Variants in KDM4C observed in about 807,000 individuals in gnomAD.
The protein encoded by KDM4C is lysine demethylase 4C, also known as lysine-specific demethylase 4C.
A neutral mutation model predicts 129.3 loss-of-function variants in KDM4C; 81 were observed. That is an observed-to-expected ratio of 0.63 (90% CI 0.52 to 0.75). The LOEUF is 0.75. KDM4C is among the 30% of genes least tolerant of loss of function. The pLI is 0.00. For synonymous variants in KDM4C, 573 were observed against 456.1 expected (o/e 1.26, Z -3.26); for missense variants, 1,457 against 1,304.0 (o/e 1.12, Z -1.81).
intron 1 of KDM4C, among the ~76,000 whole-genome samples, chr9:6,751,263 T>C (rs1411564242): frequency 1.3e-5 from 2 of 151,994 alleles, no homozygotes; most frequent in African/African-American, 2.4e-5. Flanking sequence ...TTGTGCAACA[T>C]GGCAAAACCC....
At chr9:6,843,791 CAA>C (rs1837390175) in intron 4 of KDM4C, among the ~76,000 whole-genome samples, 1 of 152,158 alleles carries the variant, frequency 6.6e-6, no homozygotes, top group Non-Finnish European at 1.5e-5. Context: ...ACACAGTTTT[CAA>C]AAGTTTACTA....
chr9:7,049,978 A>G (rs1395804156), intron 17 of KDM4C, among the ~76,000 whole-genome samples: 1 of 152,018 alleles, frequency 6.6e-6, no homozygotes, highest in African/African-American at 2.4e-5. Context: ...GTTATTTTCC[A>G]CTGAAGGTCT....
rs1197834778 is a variant in KDM4C, at chr9:6,793,027, C to A, written c.39C>A (p.Ser13Arg). 2.5e-6 allele frequency: 4 copies of A among 1,614,048 alleles called. No individual in the cohort carries two copies. The highest frequency in any genetic ancestry group is 1.3e-5 in the African/African-American group (1 of 74,924). The change falls in exon 2 of 22, where the codon AGC becomes AGA. Residue 13 changes from serine (S) to arginine (R), a missense_variant. Coordinates refer to ENST00000381309, the MANE Select transcript of KDM4C (RefSeq NM_015061.6). ...AGGTGGAAAGTCCTCTGAACCCCAG[C>A]TGTAAGATAATGACCTTCAGACCCT... ...VAEVESPLNP[S>R]CKIMTFRPSM...
At chr9:6,740,393 T>C (rs372409457) in intron 1 of KDM4C, among the ~76,000 whole-genome samples, 84 of 151,906 alleles carry the variant, frequency 5.5e-4, no homozygotes, top group South Asian at 2.3e-3. Context: ...TTAGTAGAGA[T>C]GGGGTTTCAC....
intron 8 of KDM4C, among the ~76,000 whole-genome samples, chr9:6,895,405 A>G (rs1322489772): frequency 6.6e-6 from 1 of 152,206 alleles, no homozygotes; most frequent in Non-Finnish European, 1.5e-5. Context: ...CAGAGGCTGG[A>G]CTTTTCTCCT....
chr9:7,079,561 A>T (rs577719281), intron 17 of KDM4C, among the ~76,000 whole-genome samples: 1 of 152,286 alleles, frequency 6.6e-6, no homozygotes, highest in East Asian at 1.9e-4. Context: ...ACCTCAAGTG[A>T]TCTGCCCATC....
At chr9:7,019,448 A>T (rs909105951) in intron 15 of KDM4C, among the ~76,000 whole-genome samples, 1 of 150,510 alleles carries the variant, frequency 6.6e-6, no homozygotes, top group Non-Finnish European at 1.5e-5. Flanking sequence ...ATTCCCTGGA[A>T]TTTTTTTTTT....
At chr9:7,036,483 G>C (rs1307486974) in intron 15 of KDM4C, among the ~76,000 whole-genome samples, 2 of 152,090 alleles carry the variant, frequency 1.3e-5, no homozygotes, top group Admixed American at 1.3e-4. Context: ...ATAGCTACCA[G>C]AGCGGTGCTC....
At chr9:7,113,279 A>T (rs1015989518) in intron 18 of KDM4C, among the ~76,000 whole-genome samples, 1 of 152,220 alleles carries the variant, frequency 6.6e-6, no homozygotes, top group African/African-American at 2.4e-5. Context: ...CTTATCCCAG[A>T]TGATAGAAAG....
At chr9:7,152,108 G>A (rs1020796518) in intron 19 of KDM4C, among the ~76,000 whole-genome samples, 6 of 152,218 alleles carry the variant, frequency 3.9e-5, no homozygotes, top group African/African-American at 1.4e-4. Flanking sequence ...AGAGAAATGA[G>A]TCTGATGTTG....
At chr9:7,169,157 G>A (rs1420828467) in intron 20 of KDM4C, among the ~76,000 whole-genome samples, 2 of 151,702 alleles carry the variant, frequency 1.3e-5, no homozygotes, top group Non-Finnish European at 2.9e-5. Flanking sequence ...CGTGCTGACA[G>A]ACCCAACCCA....
intron 13 of KDM4C, 26 bp downstream of exon 13, chr9:7,011,905 C>G (rs763651409): frequency 6.3e-7 from 1 of 1,586,804 alleles, no homozygotes; most frequent in South Asian, 1.1e-5. Context: ...ATCATAGTTC[C>G]CTTCACTGCT....
Position 6,781,006 on chromosome 9 carries a change from A to G in KDM4C, c.-17-11966A>G, listed in dbSNP as rs186294053. On this transcript the variant is annotated intron_variant, in intron 1 of 21. Transcript: ENST00000381309. ...CTCTGCTGATCTCTTTCCTTCTCTC[A>G]TTTTCTGTTTATGCATATAGCAGAC... Among the ~76,000 whole-genome samples the G allele has an allele frequency of 2.6e-5, 4 of 151,084 alleles. No individual in the cohort carries two copies. The East Asian group carries it at 7.8e-4, about 29-fold the overall frequency.
intron 2 of KDM4C, among the ~76,000 whole-genome samples, chr9:6,800,988 T>A (rs1828839414): frequency 6.6e-6 from 1 of 152,192 alleles, no homozygotes; most frequent in African/African-American, 2.4e-5. Context: ...ATCCTTATAT[T>A]GCTAATGAAA....
intron 17 of KDM4C, among the ~76,000 whole-genome samples, chr9:7,077,514 T>C (rs16925292): frequency 0.18 from 27,304 of 152,222 alleles, 2,977 homozygotes; most frequent in South Asian, 0.42. Flanking sequence ...ATTGATATCT[T>C]TATTCCCATT....
intron 19 of KDM4C, among the ~76,000 whole-genome samples, chr9:7,129,062 G>A (rs969136548): frequency 5.9e-5 from 9 of 152,068 alleles, no homozygotes; most frequent in East Asian, 1.9e-4. Context: ...CTCCTTTCGG[G>A]GGGTGTGTGA....
At chr9:7,114,644 A>C (rs761624618) in intron 18 of KDM4C, among the ~76,000 whole-genome samples, 14 of 152,192 alleles carry the variant, frequency 9.2e-5, no homozygotes, top group Non-Finnish European at 1.5e-4. Flanking sequence ...ATTTTGGTGT[A>C]GGTGTTTGGT....
At chr9:6,799,667 CAG>C (rs1365892043) in intron 2 of KDM4C, among the ~76,000 whole-genome samples, 29 of 124,502 alleles carry the variant, frequency 2.3e-4, no homozygotes, top group African/African-American at 6.4e-4. Context: ...TTTTACAAAA[CAG>C]AAAAACATTT....
At chr9:6,774,529 G>A (rs981942296) in intron 1 of KDM4C, among the ~76,000 whole-genome samples, 1 of 152,144 alleles carries the variant, frequency 6.6e-6, no homozygotes, top group Non-Finnish European at 1.5e-5. Flanking sequence ...GCCAGGTGTG[G>A]TGGCACACAC....
Sources: allele counts gnomAD v4.1 joint callset (sites outside exome capture counted in the v4.1 genomes callset), GRCh38; gene constraint gnomAD v4.1.1; transcripts MANE v1.5; gene names NCBI Gene and HGNC (gene_info 2026-07-23, HGNC 2026-07-21).